CCDC122: variants seen among roughly 807,000 people sequenced by gnomAD.
The protein encoded by CCDC122 is coiled-coil domain containing 122.
A neutral mutation model predicts 37.0 loss-of-function variants in CCDC122; 38 were observed. That is an observed-to-expected ratio of 1.03 (90% CI 0.79 to 1.35). The LOEUF is 1.35. Among genes scored for constraint, CCDC122 ranks in the 40% most tolerant of loss-of-function variants. The pLI is 0.00. For missense variants in CCDC122, 305 were observed against 310.0 expected, an observed-to-expected ratio of 0.98 and a Z score of 0.12; for synonymous variants, 83 against 95.6, an observed-to-expected ratio of 0.87 and a Z score of 0.77.
At chr13:43,841,769 G>T (rs1484401721) in intron 6 of CCDC122, among the ~76,000 whole-genome samples, 2 of 152,140 alleles carry the variant, frequency 1.3e-5, no homozygotes, top group African/African-American at 4.8e-5. Flanking sequence ...GTACTGCAGT[G>T]GCATGATCAC....
intron 3 of CCDC122, among the ~76,000 whole-genome samples, chr13:43,826,807 C>T (rs1953044703): frequency 6.6e-6 from 1 of 152,196 alleles, no homozygotes; most frequent in East Asian, 1.9e-4. Flanking sequence ...AATAGGAAAG[C>T]TATAAAGCAT....
At chr13:43,821,786 T>A (rs892414333), downstream of CCDC122, among the ~76,000 whole-genome samples, 1 of 152,242 alleles carries the variant, frequency 6.6e-6, no homozygotes, top group Non-Finnish European at 1.5e-5. Context: ...GATGCATTCT[T>A]CAGTGTGTCA....
intron 6 of CCDC122, among the ~76,000 whole-genome samples, chr13:43,846,911 C>T (rs1280249373): frequency 1.3e-5 from 2 of 152,168 alleles, no homozygotes; most frequent in Non-Finnish European, 2.9e-5. Flanking sequence ...TAAGATATTA[C>T]TACTATTAGT....
At chr13:43,869,056 C>T (rs1267231648) in intron 3 of CCDC122, among the ~76,000 whole-genome samples, 6 of 151,952 alleles carry the variant, frequency 3.9e-5, no homozygotes, top group Non-Finnish European at 8.8e-5. Context: ...TTTTGATTGT[C>T]CTAATTTTTT....
At chr13:43,831,130 G>A (rs868592166) in intron 3 of CCDC122, among the ~76,000 whole-genome samples, 2 of 152,096 alleles carry the variant, frequency 1.3e-5, no homozygotes, top group South Asian at 4.1e-4. Context: ...TTATTTAACT[G>A]CCCAGCAAAG....
chr13:43,820,498 T>C (rs1267431277), downstream of CCDC122, among the ~76,000 whole-genome samples: 1 of 152,160 alleles, frequency 6.6e-6, no homozygotes, highest in South Asian at 2.1e-4. Context: ...TGGTCAAAGA[T>C]AGGGCTATTT....
At chr13:43,865,074 C>G (rs879805536) in intron 4 of CCDC122, among the ~76,000 whole-genome samples, 6 of 152,104 alleles carry the variant, frequency 3.9e-5, no homozygotes, top group African/African-American at 1.4e-4. Flanking sequence ...TGCAGGCCCC[C>G]TCCCACATAC....
At chr13:43,858,314 T>C (rs999748036) in intron 6 of CCDC122, 1 of 152,352 alleles carries the variant, frequency 6.6e-6, no homozygotes, top group African/African-American at 2.4e-5. Flanking sequence ...TACTCTGACT[T>C]TCAATTTTGC....
At chr13:43,826,149 T>G (rs1235149663) in intron 3 of CCDC122, among the ~76,000 whole-genome samples, 3 of 152,030 alleles carry the variant, frequency 2.0e-5, no homozygotes, top group African/African-American at 7.2e-5. Context: ...ATATGCACAT[T>G]ATTAAGTTAT....
chr13:43,875,577 A>G (rs889528489), intron 1 of CCDC122, among the ~76,000 whole-genome samples: 3 of 152,204 alleles, frequency 2.0e-5, no homozygotes, highest in Non-Finnish European at 4.4e-5. Flanking sequence ...CCCATTATCT[A>G]CAGTAACCAG....
chr13:43,865,068 G>A (rs1011113309), intron 4 of CCDC122, among the ~76,000 whole-genome samples: 1 of 152,196 alleles, frequency 6.6e-6, no homozygotes, highest in Middle Eastern at 3.4e-3. Context: ...GCTCCTTGCA[G>A]GCCCCCTCCC....
At chr13:43,864,572 C>T (rs1274345439) in intron 4 of CCDC122, among the ~76,000 whole-genome samples, 1 of 152,102 alleles carries the variant, frequency 6.6e-6, no homozygotes, top group African/African-American at 2.4e-5. Context: ...TTTTTAACAA[C>T]AAGCTCTCAG....
At chr13:43,820,445 G>C (rs1301363979), downstream of CCDC122, among the ~76,000 whole-genome samples, 1 of 152,128 alleles carries the variant, frequency 6.6e-6, no homozygotes, top group Non-Finnish European at 1.5e-5. Flanking sequence ...AAAACTTGGG[G>C]TTTTGCCGAA....
At position 43,850,710 on chromosome 13, in the gene CCDC122, G is replaced by A. The variant is rs192709498; in HGVS notation, c.672+8071C>T. Among the ~76,000 whole-genome samples, 46 of 152,202 alleles carry A rather than the reference G, an allele frequency of 3.0e-4. No individual in the cohort carries two copies. The East Asian group carries it at 3.1e-3, about 10-fold the overall frequency. ...TATAACAAAAGATGTCATATCTTTC[G>A]TTATGGAAGGAGAGGAGAAAGAAGG... On this transcript the variant is annotated intron_variant, in intron 6 of 6. Transcript: ENST00000444614.
intron 4 of CCDC122, among the ~76,000 whole-genome samples, chr13:43,868,061 C>T (rs893257122): frequency 2.2e-5 from 2 of 92,060 alleles, no homozygotes; most frequent in East Asian, 5.7e-4. Flanking sequence ...AACAAATTCA[C>T]GGAACAAAAA....
chr13:43,858,929 T>C, intron 5 of CCDC122, 32 bp from the exon 6 acceptor site: 1 of 1,340,892 alleles, frequency 7.5e-7, no homozygotes, highest in East Asian at 2.8e-5. Flanking sequence ...AATATAGAAG[T>C]CAAAAAAGGA....
intron 3 of CCDC122, among the ~76,000 whole-genome samples, chr13:43,828,434 A>T (rs1953059314): frequency 6.6e-6 from 1 of 152,128 alleles, no homozygotes; most frequent in South Asian, 2.1e-4. Context: ...TTTAAGCAAC[A>T]TCCTTCCCCA....
At chr13:43,837,675 T>A (rs1594815154) in intron 6 of CCDC122, among the ~76,000 whole-genome samples, 1 of 151,948 alleles carries the variant, frequency 6.6e-6, no homozygotes, top group South Asian at 2.1e-4. Context: ...ATGGGTATTA[T>A]TATCCTCATT....
intron 6 of CCDC122, among the ~76,000 whole-genome samples, chr13:43,844,603 T>C (rs1167494376): frequency 6.6e-6 from 1 of 152,114 alleles, no homozygotes; most frequent in Non-Finnish European, 1.5e-5. Flanking sequence ...CTGATATGAC[T>C]ATAGATCTGT....
Sources: allele counts gnomAD v4.1 joint callset (sites outside exome capture counted in the v4.1 genomes callset), GRCh38; gene constraint gnomAD v4.1.1; transcripts MANE v1.5; gene names NCBI Gene and HGNC (gene_info 2026-07-23, HGNC 2026-07-21).